Variants in RYR2 observed in about 807,000 individuals in gnomAD.
The protein encoded by RYR2 is cardiac muscle ryanodine receptor-calcium release channel.
In RYR2, 227 loss-of-function variants were observed where a neutral mutation model predicts 601.1. That is an observed-to-expected ratio of 0.38 (90% confidence interval 0.34 to 0.42). The LOEUF (loss-of-function observed/expected upper bound fraction) is 0.42, where lower values mean the gene tolerates loss of function less well. Ranked by LOEUF, RYR2 falls within the 10% of genes least tolerant of loss-of-function variation. RYR2 has a pLI of 1.00. For missense variants in RYR2, 4,646 were observed against 6,156.5 expected (o/e 0.75, Z 8.21); for synonymous variants, 2,223 against 2,175.1 (o/e 1.02, Z -0.61).
chr1:237,465,238 T>C (rs527626153), intron 16 of RYR2, among the ~76,000 whole-genome samples: 14 of 145,236 alleles, frequency 9.6e-5, no homozygotes, highest in African/African-American at 3.6e-4. Context: ...GATTTCCTGA[T>C]ATATTTTTGT....
chr1:237,563,443 T>C (rs1375909408), intron 27 of RYR2, among the ~76,000 whole-genome samples: 1 of 143,084 alleles, frequency 7.0e-6, no homozygotes, highest in Non-Finnish European at 1.5e-5. Context: ...AATAGGAAAA[T>C]CCACAGAGAT....
chr1:237,499,317 G>A (rs2150467014), intron 20 of RYR2, among the ~76,000 whole-genome samples: 1 of 152,156 alleles, frequency 6.6e-6, no homozygotes, highest in South Asian at 2.1e-4. Context: ...CAGGTCCCAG[G>A]TGTTTGAGAG....
At chr1:237,625,573 G>A (rs1345901054) in intron 39 of RYR2, 88 bp from the exon 40 acceptor site, 7 of 1,327,502 alleles carry the variant, frequency 5.3e-6, no homozygotes, top group Admixed American at 2.0e-5. Flanking sequence ...TCTAAGTTGT[G>A]CATGAAAGAA....
chr1:237,593,957 C>T (rs144904392), intron 33 of RYR2, among the ~76,000 whole-genome samples: 18 of 152,200 alleles, frequency 1.2e-4, no homozygotes, highest in African/African-American at 3.6e-4. Flanking sequence ...GGTGAATGTG[C>T]GGCTTTTAAC....
intron 1 of RYR2, among the ~76,000 whole-genome samples, chr1:237,252,333 T>C (rs1687541897): frequency 6.6e-6 from 1 of 152,162 alleles, no homozygotes; most frequent in Non-Finnish European, 1.5e-5. Flanking sequence ...TGCTCTTTCC[T>C]GCCTGGAATA....
intron 1 of RYR2, among the ~76,000 whole-genome samples, chr1:237,234,992 G>A (rs1374946282): frequency 6.6e-6 from 1 of 152,070 alleles, no homozygotes; most frequent in Non-Finnish European, 1.5e-5. Flanking sequence ...AAGCACTGAT[G>A]TAGTAACCCC....
At chr1:237,771,343 C>T (rs1235435461) in intron 85 of RYR2, among the ~76,000 whole-genome samples, 1 of 151,006 alleles carries the variant, frequency 6.6e-6, no homozygotes, top group Non-Finnish European at 1.5e-5. Flanking sequence ...GCCAGGAGTT[C>T]GAGGCTGCAG....
intron 68 of RYR2, among the ~76,000 whole-genome samples, chr1:237,708,264 T>A (rs957205045): frequency 6.6e-6 from 1 of 152,132 alleles, no homozygotes; most frequent in African/African-American, 2.4e-5. Flanking sequence ...TTAATTTGGG[T>A]AGATGATTAT....
intron 13 of RYR2, among the ~76,000 whole-genome samples, chr1:237,443,832 T>A (rs1708113980): frequency 6.6e-6 from 1 of 152,256 alleles, no homozygotes; most frequent in South Asian, 2.1e-4. Context: ...ATCCTTGGTC[T>A]AGACTAGTCT....
At chr1:237,354,241 C>T (rs952498268) in intron 3 of RYR2, among the ~76,000 whole-genome samples, 2 of 152,062 alleles carry the variant, frequency 1.3e-5, no homozygotes, top group African/African-American at 2.4e-5. Context: ...TAATATAGAA[C>T]ATTAAAGAGC....
At chr1:237,559,285 C>T (rs1671216612) in intron 27 of RYR2, among the ~76,000 whole-genome samples, 1 of 152,094 alleles carries the variant, frequency 6.6e-6, no homozygotes, top group African/African-American at 2.4e-5. Flanking sequence ...CTTGCTCCTG[C>T]CCCATCACCC....
chr1:237,042,638 G>T (rs1660051124), intron 1 of RYR2, 69 bp downstream of exon 1: 1 of 1,238,656 alleles, frequency 8.1e-7, no homozygotes, highest in South Asian at 4.1e-5. Flanking sequence ...CGGGGTCCGG[G>T]CAGAGTGACA....
chr1:237,427,782 CAAAAAAAAAAAAA>C (rs57614793), intron 12 of RYR2, among the ~76,000 whole-genome samples: 3 of 56,194 alleles, frequency 5.3e-5, no homozygotes, highest in African/African-American at 7.0e-5. Context: ...GACTCTGCCT[CAAAAAAAAAAAAA>C]AAAAAAAAAA....
At chr1:237,578,326 C>T (rs1436335394) in intron 29 of RYR2, among the ~76,000 whole-genome samples, 3 of 152,068 alleles carry the variant, frequency 2.0e-5, no homozygotes, top group African/African-American at 4.8e-5. Context: ...AGGTACAGGT[C>T]ATAGTAGTAT....
chr1:237,426,516 G>C (rs1228271449), intron 12 of RYR2, among the ~76,000 whole-genome samples: 1 of 152,034 alleles, frequency 6.6e-6, no homozygotes, highest in Non-Finnish European at 1.5e-5. Flanking sequence ...CGTCCAGAAA[G>C]AAAAAAGTTC....
In RYR2 at chr1:237,798,153, C is replaced by T. The variant is rs370393302; in HGVS notation, c.14073C>T (p.Asp4691=). Residue 4691 remains aspartate (D), a synonymous_variant, in exon 97 of 105, where the codon GAC becomes GAT. Coordinates refer to ENST00000366574, the MANE Select transcript of RYR2 (RefSeq NM_001035.3). ...DAREKKKPKK[D]SSLSAVLNSI... ...GAGAAAAGAAGAAGCCAAAGAAAGA[C>T]AGCTCCTTATCAGCTGTGTAAGTGT... 2.5e-6 allele frequency: 4 copies of T among 1,612,480 alleles called. No individual in the cohort carries two copies. Among genetic ancestry groups the T allele is most frequent in the Admixed American group, 1.7e-5 (1 of 59,868 alleles).
At chr1:237,081,238 A>G (rs553280059) in intron 1 of RYR2, among the ~76,000 whole-genome samples, 23 of 130,490 alleles carry the variant, frequency 1.8e-4, no homozygotes, top group Non-Finnish European at 3.5e-4. Flanking sequence ...TATGTAACTA[A>G]CCTGCACAAT....
intron 27 of RYR2, among the ~76,000 whole-genome samples, chr1:237,559,316 A>G (rs1265081704): frequency 6.6e-6 from 1 of 152,136 alleles, no homozygotes; most frequent in African/African-American, 2.4e-5. Flanking sequence ...TCTATGGCAT[A>G]TTGAAAACCA....
chr1:237,555,046 A>T (rs1284342910), intron 27 of RYR2: 1 of 152,098 alleles, frequency 6.6e-6, no homozygotes, highest in African/African-American at 2.4e-5. Flanking sequence ...TATGTCTTAC[A>T]TTACCTTAGG....
Sources: gnomAD v4.1 joint callset for allele counts (sites outside exome capture counted in the v4.1 genomes callset) on GRCh38, gnomAD v4.1.1 for gene constraint, MANE v1.5 for transcripts, NCBI Gene and HGNC (gene_info 2026-07-23, HGNC 2026-07-21) for gene names.